Variants in RALYL observed in about 807,000 individuals in gnomAD.
The protein encoded by RALYL is RALY RNA binding protein like, also known as RNA-binding Raly-like protein.
In RALYL, 29 loss-of-function variants were observed where a neutral mutation model predicts 35.1. The ratio of observed to expected loss-of-function variants is 0.83; its 90% CI spans 0.61 to 1.13. The LOEUF (loss-of-function observed/expected upper bound fraction) is 1.13. Ranked by LOEUF, RALYL falls within the 50% of genes most tolerant of loss-of-function variation. The pLI is 0.00. For missense variants in RALYL, 359 were observed against 360.4 expected (o/e 1.00, Z 0.03); for synonymous variants, 120 against 127.6 (o/e 0.94, Z 0.40).
intron 1 of RALYL, among the ~76,000 whole-genome samples, chr8:84,187,006 G>C (rs1812696372): frequency 6.6e-6 from 1 of 151,944 alleles, no homozygotes; most frequent in Non-Finnish European, 1.5e-5. Flanking sequence ...CAATTTAATT[G>C]TGCAGATCTT....
chr8:84,748,264 T>G (rs1809134434), intron 2 of RALYL, among the ~76,000 whole-genome samples: 1 of 151,970 alleles, frequency 6.6e-6, no homozygotes, highest in Admixed American at 6.6e-5. Context: ...AGGTCTGTAG[T>G]GGAATGTTAA....
chr8:84,617,945 A>G (rs1588544180), intron 2 of RALYL, among the ~76,000 whole-genome samples: 1 of 151,790 alleles, frequency 6.6e-6, no homozygotes, highest in East Asian at 1.9e-4. Flanking sequence ...GATGAAGCCC[A>G]CTTGATCATG....
intron 1 of RALYL, among the ~76,000 whole-genome samples, chr8:84,523,452 G>A (rs904751838): frequency 6.6e-6 from 1 of 152,050 alleles, no homozygotes; most frequent in African/African-American, 2.4e-5. Flanking sequence ...GGGGACACAA[G>A]GACAATCCAT....
At chr8:84,191,383 A>G (rs139887562) in intron 1 of RALYL, among the ~76,000 whole-genome samples, 1,875 of 152,314 alleles carry the variant, frequency 0.012, 15 homozygotes, top group Admixed American at 0.02. Context: ...TTAAAAATAA[A>G]TATATTTACT....
intron 4 of RALYL, among the ~76,000 whole-genome samples, chr8:84,839,156 A>G (rs113081270): frequency 0.042 from 6,387 of 152,312 alleles, 454 homozygotes; most frequent in African/African-American, 0.15. Context: ...AGTGTGAGCC[A>G]AAGCAGGGCG....
At chr8:84,374,044 TG>T (rs1473600669) in intron 1 of RALYL, among the ~76,000 whole-genome samples, 1 of 152,070 alleles carries the variant, frequency 6.6e-6, no homozygotes, top group East Asian at 1.9e-4. Flanking sequence ...TAGTAATTTT[TG>T]TACACTCATT....
intron 1 of RALYL, among the ~76,000 whole-genome samples, chr8:84,507,515 A>C (rs2057275550): frequency 6.6e-6 from 1 of 152,104 alleles, no homozygotes; most frequent in Non-Finnish European, 1.5e-5. Context: ...ATTAGGAGGA[A>C]ATAAAAAGGT....
At chr8:84,732,683 T>TATATATATACACAC in intron 2 of RALYL, among the ~76,000 whole-genome samples, 15 of 133,234 alleles carry the variant, frequency 1.1e-4, no homozygotes, top group Admixed American at 8.0e-4. Flanking sequence ...TATATATATA[T>TATATATATACACAC]ACACACACAC....
rs112764158 is a variant in RALYL, at chr8:84,622,305, C to T, written c.256+92728C>T. On this transcript the variant is annotated intron_variant, in intron 2 of 8. Transcript: ENST00000521268. ...CATGAAGGGCTTGTTAAAATTTATT[C>T]TAGGAAGAATATAAAAGTGTTTGCT... Among the ~76,000 whole-genome samples the T allele has an allele frequency of 2.1e-3, 324 of 152,184 alleles. 1 individual carries two copies. Among genetic ancestry groups the T allele is most frequent in the African/African-American group, 7.2e-3 (301 of 41,528 alleles).
chr8:84,807,145 T>C (rs1824838178), intron 4 of RALYL, among the ~76,000 whole-genome samples: 1 of 152,162 alleles, frequency 6.6e-6, no homozygotes, highest in African/African-American at 2.4e-5. Flanking sequence ...TTGTGGTCTT[T>C]TAGCCCTCAC....
At chr8:84,530,264 T>G (rs1588014718) in intron 2 of RALYL, among the ~76,000 whole-genome samples, 1 of 152,216 alleles carries the variant, frequency 6.6e-6, no homozygotes, top group East Asian at 1.9e-4. Flanking sequence ...TTTTCTACCT[T>G]AGGAAAAAAA....
At chr8:84,499,645 AGGTC>A (rs1169150323) in intron 1 of RALYL, among the ~76,000 whole-genome samples, 2 of 151,936 alleles carry the variant, frequency 1.3e-5, no homozygotes, top group Non-Finnish European at 2.9e-5. Context: ...TCTAGCAAAA[AGGTC>A]TAACCTTGGA....
chr8:84,582,363 C>A (rs950512779), intron 2 of RALYL, among the ~76,000 whole-genome samples: 1 of 151,752 alleles, frequency 6.6e-6, no homozygotes, highest in Non-Finnish European at 1.5e-5. Flanking sequence ...TAAATTATAC[C>A]TTTATTTTCA....
At chr8:84,254,746 G>GAAAAAAAAA (rs10675428) in intron 1 of RALYL, among the ~76,000 whole-genome samples, 29 of 126,498 alleles carry the variant, frequency 2.3e-4, no homozygotes, top group African/African-American at 7.5e-4. Flanking sequence ...GGTAATTTAT[G>GAAAAAAAAA]AAAAAAAAAA....
chr8:84,722,446 T>A (rs1844104530), intron 2 of RALYL, among the ~76,000 whole-genome samples: 1 of 151,412 alleles, frequency 6.6e-6, no homozygotes, highest in South Asian at 2.1e-4. Flanking sequence ...GTGGCCCAGG[T>A]AGTTTATCCT....
In RALYL at chr8:84,551,063, G is replaced by T. The variant is rs538817459; in HGVS notation, c.256+21486G>T. 3.3e-5 allele frequency among the ~76,000 whole-genome samples: 5 copies of T among 151,764 alleles called. No individual in the cohort carries two copies. The South Asian group carries it at 1.0e-3, about 32-fold the overall frequency. ...AGGAGGCACAGAAAAGAATATGGCA[G>T]GTTTTTTTCTATTTTTCCACTGAAT... On this transcript the variant is annotated intron_variant, in intron 2 of 8. Coordinates refer to ENST00000521268, the MANE Select transcript of RALYL (RefSeq NM_173848.7).
chr8:84,761,406 C>T (rs1355058326), intron 2 of RALYL, among the ~76,000 whole-genome samples: 1 of 151,948 alleles, frequency 6.6e-6, no homozygotes, highest in Non-Finnish European at 1.5e-5. Context: ...TTCAGAGAGT[C>T]AACCTAAATT....
At chr8:84,452,947 G>A (rs1374911401) in intron 1 of RALYL, among the ~76,000 whole-genome samples, 1 of 151,868 alleles carries the variant, frequency 6.6e-6, no homozygotes, top group Non-Finnish European at 1.5e-5. Flanking sequence ...ATATAAAGGG[G>A]CTGTGTTTAC....
chr8:84,619,607 T>G (rs1285566627), intron 2 of RALYL, among the ~76,000 whole-genome samples: 2 of 149,174 alleles, frequency 1.3e-5, no homozygotes, highest in Admixed American at 6.7e-5. Flanking sequence ...AAAGTTAATA[T>G]TGTTATGTGT....
Sources: allele counts gnomAD v4.1 joint callset (sites outside exome capture counted in the v4.1 genomes callset), GRCh38; gene constraint gnomAD v4.1.1; transcripts MANE v1.5; gene names NCBI Gene and HGNC (gene_info 2026-07-23, HGNC 2026-07-21).